The following ABI3 variants were observed in gnomAD, a reference collection of about 807,000 sequenced individuals.
ABI3 encodes the protein ABI gene family member 3.
Under a neutral mutation model 37.0 loss-of-function variants are expected in ABI3, and 24 were observed. That is an observed-to-expected ratio of 0.65 (90% CI 0.47 to 0.91). The LOEUF (loss-of-function observed/expected upper bound fraction) is 0.91. ABI3 is among the 40% of genes least tolerant of loss of function. The pLI, the probability that ABI3 is intolerant of heterozygous loss-of-function variation, is 0.00. For synonymous variants in ABI3, 220 were observed against 211.8 expected, an observed-to-expected ratio of 1.04 and a Z score of -0.34; for missense variants, 481 against 485.1, an observed-to-expected ratio of 0.99 and a Z score of 0.08.
At chr17:49,214,453 A>C (rs1433546160) in intron 1 of ABI3, among the ~76,000 whole-genome samples, 1 of 152,190 alleles carries the variant, frequency 6.6e-6, no homozygotes, top group African/African-American at 2.4e-5. Flanking sequence ...TCACGCCTGT[A>C]ATCCCAGCAC....
At chr17:49,221,191 C>A (rs1311881534) in intron 6 of ABI3, among the ~76,000 whole-genome samples, 1 of 149,924 alleles carries the variant, frequency 6.7e-6, no homozygotes, top group Non-Finnish European at 1.5e-5. Context: ...AAAATAAAGG[C>A]CGGGTGTGGT....
chr17:49,219,470 C>T lies in ABI3; in HGVS notation c.463-70C>T. 7.4e-7 allele frequency: 1 copy of T among 1,355,470 alleles called. No individual in the cohort carries two copies. The highest frequency in any genetic ancestry group is 1.0e-6 in the Non-Finnish European group (1 of 982,958). The allele number at this position is 1,355,470 out of a possible 1,614,324, so 84.0% of individuals were successfully genotyped here. A position where few individuals can be genotyped will look rare whatever the true frequency, so the allele number is the denominator to read the frequency against. On this transcript the variant is annotated intron_variant, in intron 3 of 7. Transcript: ENST00000225941. This position sits in a 1 kb window ranked among gnomAD's most constrained non-coding sequence, Gnocchi z 4.3. The stretch of plus-strand genomic sequence containing the variant: ...GTTCCCGTCCGCCCCTCCTCCATTT[C>T]CTCTTGGGGATGAGGGTGGAGGGAG...
chr17:49,218,770 ATT>A (rs71144583), intron 3 of ABI3, among the ~76,000 whole-genome samples: 27 of 131,736 alleles, frequency 2.0e-4, no homozygotes, highest in African/African-American at 4.5e-4. Context: ...TGCCCGGCTA[ATT>A]TTTTTTTTTT....
At chr17:49,217,113 C>T (rs1405630466) in intron 2 of ABI3, among the ~76,000 whole-genome samples, 19 of 152,136 alleles carry the variant, frequency 1.2e-4, no homozygotes, top group Admixed American at 1.2e-3. Context: ...CCCTCCACCC[C>T]GCCACAGTGT....
Position 49,219,902 on chromosome 17 carries a change from C to A in ABI3, c.593C>A (p.Pro198His). Residue 198 changes from proline to histidine, a missense_variant, in exon 5 of 8, where the codon CCC becomes CAC. Physicochemically the swap from Pro to His is moderately conservative, Grantham distance 77. Transcript: ENST00000225941. This position sits in a 1 kb window ranked among gnomAD's most constrained non-coding sequence, Gnocchi z 4.3. ...IPEPVHLPVVPDGRLSAASSA... is the reference protein window; with the variant it reads ...IPEPVHLPVVHDGRLSAASSA... ...GAGCCAGTGCACCTGCCGGTGGTGC[C>A]CGACGGCAGACTCTCCGCCGCCTCC... 6.4e-7 allele frequency: 1 copy of A among 1,555,678 alleles called. No homozygotes were observed. Among genetic ancestry groups the A allele is most frequent in the Non-Finnish European group, 8.7e-7 (1 of 1,155,976 alleles).
At chr17:49,216,755 G>A (rs972518085) in intron 2 of ABI3, 57 bp downstream of exon 2, 47 of 1,359,064 alleles carry the variant, frequency 3.5e-5, no homozygotes, top group East Asian at 5.8e-5. Flanking sequence ...TCTTCAGCCC[G>A]ACTCAGACAT....
chr17:49,219,931 G>C lies in ABI3; in HGVS notation c.622G>C (p.Ala208Pro), dbSNP rs768409072. ...PDGRLSAASS[A>P]FSLASAGSAE... Reference sequence around the variant, plus strand: ...CGGCAGACTCTCCGCCGCCTCCTCTGCGTTTTCCCTGGCCTCGGCCGGGTG... The same window carrying C: ...CGGCAGACTCTCCGCCGCCTCCTCTCCGTTTTCCCTGGCCTCGGCCGGGTG... Residue 208 changes from alanine (A) to proline (P), a missense_variant, in exon 5 of 8, where the codon GCG (alanine) becomes CCG (proline). Physicochemically the swap from Ala to Pro is conservative, Grantham distance 27. Coordinates refer to ENST00000225941, the MANE Select transcript of ABI3 (RefSeq NM_016428.3). This position sits in a 1 kb window ranked among gnomAD's most constrained non-coding sequence, Gnocchi z 4.3. The C allele has an allele frequency of 4.1e-5, 64 of 1,554,900 alleles. 1 individual carries two copies. The South Asian group carries it at 7.1e-4, about 17-fold the overall frequency.
rs1330489124 is a variant in ABI3 at position 49,219,601 on chromosome 17, C to G, written c.524C>G (p.Ala175Gly). The G allele has an allele frequency of 6.2e-7, 1 of 1,605,726 alleles. No individual in the cohort carries two copies. Among genetic ancestry groups the G allele is most frequent in the South Asian group, 1.1e-5 (1 of 89,804 alleles). The part of the protein sequence containing the change: ...TLSRKSIKAP[A>G]TPASATLGRP... ...TCTCGAAAGAGCATCAAGGCCCCTG[C>G]CACACCCGCCTCCGCCACCTTGGGG... The change falls in exon 4 of 8, where the codon GCC becomes GGC. Residue 175 changes from alanine to glycine, a missense_variant. Transcript: ENST00000225941. The surrounding 1 kb of genome is among the most constrained non-coding windows in gnomAD (Gnocchi z 4.3).
chr17:49,222,789 A>T lies in ABI3; in HGVS notation c.*74A>T, dbSNP rs561346849. 6.8e-6 allele frequency: 10 copies of T among 1,470,086 alleles called. No individual in the cohort carries two copies. In the South Asian group the frequency reaches 1.1e-4, roughly 17 times the overall value. 91.1% of individuals were successfully genotyped at this position (1,470,086 alleles called of 1,614,324 possible). A position where few individuals can be genotyped will look rare whatever the true frequency, so the allele number is the denominator to read the frequency against. ...TGAGCCCCAAGCCAAAACCAGCTCC[A>T]GTCACAGCTGGACTGGGTCTGCCCA... On this transcript the variant is annotated 3_prime_UTR_variant, in exon 8 of 8. Transcript: ENST00000225941.
rs532540685 is a variant in ABI3 at position 49,217,894 on chromosome 17, C to T, written c.441C>T (p.Asp147=). The T allele has an allele frequency of 2.3e-5, 36 of 1,568,986 alleles. No homozygotes were observed. The East Asian group carries it at 4.9e-4, about 22-fold the overall frequency. ...GACCCCTCAACTTTGGCTGCCTGGA[C>T]GACATTGGCCATGGGATCAAGGTAG... ...CRRPLNFGCL[D]DIGHGIKDLS... The change falls in exon 3 of 8, where the codon GAC becomes GAT. Residue 147 remains aspartate, a synonymous_variant. Transcript: ENST00000225941.
chr17:49,219,879 G>A lies in ABI3; in HGVS notation c.570G>A (p.Glu190=), dbSNP rs750425949. The stretch of plus-strand genomic sequence containing the variant: ...CCAGGAGACCACCCCGGATTCCCGA[G>A]CCAGTGCACCTGCCGGTGGTGCCCG... ...ATLGRPPRIP[E]PVHLPVVPDG... is the part of the protein sequence containing the mutation. The change falls in exon 5 of 8, where the codon GAG becomes GAA. Residue 190 remains glutamate (E), a synonymous_variant. Transcript: ENST00000225941. The surrounding 1 kb of genome is among the most constrained non-coding windows in gnomAD (Gnocchi z 4.3). 5.8e-6 allele frequency: 9 copies of A among 1,547,566 alleles called. No homozygotes were observed. The highest frequency in any genetic ancestry group is 7.8e-6 in the Non-Finnish European group (9 of 1,151,930).
chr17:49,214,036 C>A (rs991155096), intron 1 of ABI3, among the ~76,000 whole-genome samples: 5 of 152,244 alleles, frequency 3.3e-5, no homozygotes, highest in East Asian at 1.9e-4. Flanking sequence ...ATGAGCATCT[C>A]TTTCCTGCTG....
chr17:49,214,588 T>G (rs987588603), intron 1 of ABI3, among the ~76,000 whole-genome samples: 7 of 152,208 alleles, frequency 4.6e-5, no homozygotes, highest in African/African-American at 1.7e-4. Flanking sequence ...TGCATGCCTG[T>G]AATCCCAGCT....
At chr17:49,222,348 G>T (rs557973237) in intron 7 of ABI3, 123 bp downstream of exon 7, 1 of 1,398,064 alleles carries the variant, frequency 7.2e-7, no homozygotes, top group Non-Finnish European at 9.6e-7. Flanking sequence ...TTTTTCTGAC[G>T]AACTGACAGA....
intron 7 of ABI3, 125 bp from the exon 8 acceptor site, chr17:49,222,427 A>AGAAGGCTTGCG: frequency 4.3e-6 from 6 of 1,395,652 alleles, no homozygotes; most frequent in Non-Finnish European, 5.8e-6. Flanking sequence ...GAAGGCTTGC[A>AGAAGGCTTGCG]AGAAGGCCCC....
In ABI3 at chr17:49,222,831, C is replaced by T; in HGVS notation, c.*116C>T. 8.3e-7 allele frequency: 1 copy of T among 1,201,706 alleles called. No homozygotes were observed. The highest frequency in any genetic ancestry group is 1.5e-5 in the South Asian group (1 of 66,814). 74.4% of individuals were successfully genotyped at this position (1,201,706 alleles called of 1,614,324 possible). On this transcript the variant is annotated 3_prime_UTR_variant, in exon 8 of 8. Coordinates refer to ENST00000225941, the MANE Select transcript of ABI3 (RefSeq NM_016428.3). ...GTCTGCCCACCTCTTGGGCTGTGAG[C>T]TGTGTTCTGTCCTTCCTCCCATCGG...
intron 7 of ABI3, 112 bp downstream of exon 7, chr17:49,222,337 A>C (rs2043300521): frequency 6.9e-7 from 1 of 1,450,394 alleles, no homozygotes; most frequent in African/African-American, 1.4e-5. Flanking sequence ...CCCCCACACA[A>C]TTTTTCTGAC....
chr17:49,212,437 T>C (rs536664667), intron 1 of ABI3, among the ~76,000 whole-genome samples: 55 of 152,324 alleles, frequency 3.6e-4, no homozygotes, highest in Non-Finnish European at 7.1e-4. Context: ...CTAACCAAAC[T>C]ATGAGAACAG....
rs2143550749 is a variant in ABI3 at position 49,222,947 on chromosome 17, ACC to A, written c.*235_*236del. On this transcript the variant is annotated 3_prime_UTR_variant, in exon 8 of 8. Transcript: ENST00000225941. The stretch of plus-strand genomic sequence containing the variant: ...AAACCAAGAAGTTTGTCAACAGAGG[ACC>A]CCTACTCCATGCAGGACAGGGTCTC... 3.5e-6 allele frequency: 2 copies of A among 577,256 alleles called. No homozygotes were observed. Among genetic ancestry groups the A allele is most frequent in the South Asian group, 4.7e-5 (2 of 42,234 alleles). The allele number at this position is 577,256 out of a possible 1,614,324, so 35.8% of individuals were successfully genotyped here. A position where few individuals can be genotyped will look rare whatever the true frequency, so the allele number is the denominator to read the frequency against.
Sources: allele counts gnomAD v4.1 joint callset (sites outside exome capture counted in the v4.1 genomes callset), GRCh38; gene constraint gnomAD v4.1.1; non-coding constraint Gnocchi (gnomAD v3.1); transcripts MANE v1.5; gene names NCBI Gene and HGNC (gene_info 2026-07-23, HGNC 2026-07-21).